SULF1: variants seen among roughly 807,000 people sequenced by gnomAD.
SULF1 encodes the protein sulfatase 1.
In SULF1, 46 loss-of-function variants were observed where a neutral mutation model predicts 110.5. That is an observed-to-expected ratio of 0.42 (90% CI 0.33 to 0.53). The LOEUF (loss-of-function observed/expected upper bound fraction) is 0.53, where lower values mean the gene tolerates loss of function less well. Ranked by LOEUF, SULF1 falls within the 20% of genes least tolerant of loss-of-function variation. SULF1 has a pLI of 0.12. For synonymous variants in SULF1, 371 were observed against 387.1 expected (o/e 0.96, Z 0.49); for missense variants, 941 against 1,094.2 (o/e 0.86, Z 1.98).
chr8:69,623,680 C>T (rs530203082), intron 14 of SULF1, among the ~76,000 whole-genome samples: 25 of 152,144 alleles, frequency 1.6e-4, no homozygotes, highest in African/African-American at 5.8e-4. Flanking sequence ...CCTCACTTGA[C>T]GGATGAAGGG....
At chr8:69,623,525 A>G (rs1477104091) in intron 14 of SULF1, among the ~76,000 whole-genome samples, 2 of 152,270 alleles carry the variant, frequency 1.3e-5, no homozygotes, top group Non-Finnish European at 2.9e-5. Context: ...AGCTCAATAA[A>G]GGATAGTCAT....
At chr8:69,652,227 C>T (rs1812395045) in intron 22 of SULF1, among the ~76,000 whole-genome samples, 1 of 152,150 alleles carries the variant, frequency 6.6e-6, no homozygotes, top group Non-Finnish European at 1.5e-5. Flanking sequence ...AGGATACTCC[C>T]CCACCCCAAT....
intron 3 of SULF1, among the ~76,000 whole-genome samples, chr8:69,528,419 T>C (rs1812849826): frequency 6.6e-6 from 1 of 152,154 alleles, no homozygotes; most frequent in South Asian, 2.1e-4. Flanking sequence ...TTCCAATCTC[T>C]CTCATATGGA....
In SULF1 at chr8:69,655,111, C is replaced by A. The variant is rs116355173; in HGVS notation, c.2586-3394C>A. Reference sequence around the variant, plus strand: ...GGGTAAGTGTCTATTTCTGTTAAGACCCTGATCTATCCCGTCGGGGCTACT... The same window carrying A: ...GGGTAAGTGTCTATTTCTGTTAAGAACCTGATCTATCCCGTCGGGGCTACT... On this transcript the variant is annotated intron_variant, in intron 22 of 22. Coordinates refer to ENST00000402687, the MANE Select transcript of SULF1 (RefSeq NM_001128205.2). Among the ~76,000 whole-genome samples, 286 of 152,318 alleles carry A rather than the reference C, an allele frequency of 1.9e-3. 3 individuals are homozygous for A. Among genetic ancestry groups the A allele is most frequent in the African/African-American group, 6.6e-3 (275 of 41,560 alleles).
chr8:69,524,484 CAAGAA>C, intron 3 of SULF1, among the ~76,000 whole-genome samples: 2 of 152,214 alleles, frequency 1.3e-5, no homozygotes, highest in East Asian at 3.9e-4. Flanking sequence ...GAACTCAAAG[CAAGAA>C]CTCACTCATT....
intron 8 of SULF1, among the ~76,000 whole-genome samples, chr8:69,592,479 T>C (rs1443681178): frequency 6.6e-6 from 1 of 152,228 alleles, no homozygotes; most frequent in Non-Finnish European, 1.5e-5. Flanking sequence ...AAGTAAAATC[T>C]ACACAGTGCA....
intron 5 of SULF1, among the ~76,000 whole-genome samples, chr8:69,575,281 C>A (rs1805521696): frequency 6.6e-6 from 1 of 151,820 alleles, no homozygotes; most frequent in African/African-American, 2.4e-5. Flanking sequence ...TACAACCCTG[C>A]AAATACTTTC....
intron 3 of SULF1, among the ~76,000 whole-genome samples, chr8:69,516,557 C>T (rs1252615221): frequency 6.6e-6 from 1 of 152,174 alleles, no homozygotes; most frequent in African/African-American, 2.4e-5. Context: ...TATCATACCT[C>T]TTGGATGAGA....
rs1014620891 is a variant in SULF1 at position 69,586,497 on chromosome 8, G to C, written c.553G>C (p.Asp185His). The change falls in exon 7 of 23, where the codon GAT (aspartate) becomes CAT (histidine). Residue 185 changes from aspartate to histidine, a missense_variant. Coordinates refer to ENST00000402687, the MANE Select transcript of SULF1 (RefSeq NM_001128205.2). ...RNGIKEKHGFDYAKDYFTDLI... is the reference protein window; with the variant it reads ...RNGIKEKHGFHYAKDYFTDLI... Reference sequence around the variant, plus strand: ...TGGCATCAAAGAAAAGCATGGATTTGATTATGCAAAGGTAATTTTCAGGCA... The same window carrying C: ...TGGCATCAAAGAAAAGCATGGATTTCATTATGCAAAGGTAATTTTCAGGCA... The C allele has an allele frequency of 1.2e-6, 2 of 1,609,430 alleles. No homozygotes were observed. The highest frequency in any genetic ancestry group is 2.7e-5 in the African/African-American group (2 of 74,732).
In SULF1 at chr8:69,660,093, CG is replaced by C. The variant is rs1466415715; in HGVS notation, c.*1559del. ...GCTCTCTCTGTGCCTAGCCTCAAAG[CG>C]TTCATCATACATCATACCTTTAAGA... On this transcript the variant is annotated 3_prime_UTR_variant, in exon 23 of 23. Coordinates refer to ENST00000402687, the MANE Select transcript of SULF1 (RefSeq NM_001128205.2). 6.6e-6 allele frequency: 1 copy of C among 152,484 alleles called. No individual in the cohort carries two copies. The highest frequency in any genetic ancestry group is 1.5e-5 in the Non-Finnish European group (1 of 68,016). The allele number at this position is 152,484 out of a possible 1,614,324, so 9.4% of individuals were successfully genotyped here.
intron 3 of SULF1, among the ~76,000 whole-genome samples, chr8:69,540,509 T>TC (rs1454320265): frequency 1.6e-4 from 25 of 152,158 alleles, no homozygotes; most frequent in Admixed American, 1.6e-3. Flanking sequence ...GAGCAGAAAC[T>TC]CAGATTCAGA....
At chr8:69,647,016 C>T (rs1013880352) in intron 22 of SULF1, among the ~76,000 whole-genome samples, 1 of 134,496 alleles carries the variant, frequency 7.4e-6, no homozygotes, top group African/African-American at 2.9e-5. Context: ...ACAATCTTGG[C>T]TCACTGCAAC....
chr8:69,634,099 A>G (rs1466781973), intron 19 of SULF1, among the ~76,000 whole-genome samples: 1 of 152,228 alleles, frequency 6.6e-6, no homozygotes, highest in Non-Finnish European at 1.5e-5. Flanking sequence ...AGCATTTTCA[A>G]TCATCCATTT....
Position 69,534,133 on chromosome 8 carries a change from G to A in SULF1, c.-133-29406G>A, listed in dbSNP as rs77070152. Among the ~76,000 whole-genome samples the A allele has an allele frequency of 2.0e-3, 304 of 152,202 alleles. 10 individuals carry two copies. In the East Asian group the frequency reaches 0.049, roughly 25 times the overall value. On this transcript the variant is annotated intron_variant, in intron 3 of 22. Transcript: ENST00000402687. ...TAACATAATGGAAGTTCATCCTGGGGGCTGAGTACTGTACATTCTGCATTA... is the reference window on the plus strand; with the variant it reads ...TAACATAATGGAAGTTCATCCTGGGAGCTGAGTACTGTACATTCTGCATTA...
At chr8:69,488,300 T>A (rs1190043425), upstream of SULF1, among the ~76,000 whole-genome samples, 1 of 152,238 alleles carries the variant, frequency 6.6e-6, no homozygotes, top group Non-Finnish European at 1.5e-5. Flanking sequence ...ACTGAAATAA[T>A]GCAGTTAGCA....
intron 6 of SULF1, among the ~76,000 whole-genome samples, chr8:69,583,154 T>C (rs2150758518): frequency 6.6e-6 from 1 of 152,022 alleles, no homozygotes; most frequent in East Asian, 1.9e-4. Flanking sequence ...CATTGCCATG[T>C]TTCTCAGACT....
intron 1 of SULF1, among the ~76,000 whole-genome samples, chr8:69,469,815 G>A (rs1809007483): frequency 6.6e-6 from 1 of 152,230 alleles, no homozygotes; most frequent in Non-Finnish European, 1.5e-5. Flanking sequence ...GCCGAGGCGG[G>A]TGGATCACCT....
intron 8 of SULF1, among the ~76,000 whole-genome samples, chr8:69,596,755 G>A (rs1478508763): frequency 6.6e-6 from 1 of 152,088 alleles, no homozygotes; most frequent in Non-Finnish European, 1.5e-5. Flanking sequence ...TTTGTAACAT[G>A]GGACTAATGT....
intron 22 of SULF1, among the ~76,000 whole-genome samples, chr8:69,642,970 C>A (rs991893514): frequency 1.3e-5 from 2 of 152,182 alleles, no homozygotes; most frequent in Non-Finnish European, 2.9e-5. Flanking sequence ...TGAAAGCATG[C>A]ATGCAGGGGC....
Sources: gnomAD v4.1 joint callset for allele counts (sites outside exome capture counted in the v4.1 genomes callset) on GRCh38, gnomAD v4.1.1 for gene constraint, MANE v1.5 for transcripts, NCBI Gene and HGNC (gene_info 2026-07-23, HGNC 2026-07-21) for gene names.